The following GRIN2B variants were observed in gnomAD, a reference collection of about 807,000 sequenced individuals.
GRIN2B encodes the protein glutamate ionotropic receptor NMDA type subunit 2B, also known as glutamate receptor ionotropic, NMDA 2B.
Under a neutral mutation model 114.5 loss-of-function variants are expected in GRIN2B, and 5 were observed. The observed-to-expected ratio is 0.04, with a 90% CI of 0.02 to 0.09. GRIN2B has a LOEUF of 0.09. GRIN2B is among the 10% of genes least tolerant of loss of function. The probability of loss-of-function intolerance (pLI) is 1.00; values close to 1 mark genes in which losing one functional copy is unlikely to be tolerated. For missense variants in GRIN2B, 1,108 were observed against 1,943.5 expected (o/e 0.57, Z 8.08); for synonymous variants, 787 against 745.1 (o/e 1.06, Z -0.92).
At chr12:13,778,341 G>T (rs1237385298) in intron 3 of GRIN2B, among the ~76,000 whole-genome samples, 1 of 152,178 alleles carries the variant, frequency 6.6e-6, no homozygotes, top group African/African-American at 2.4e-5. Flanking sequence ...GTATTCTGGA[G>T]AACACAACTT....
intron 5 of GRIN2B, among the ~76,000 whole-genome samples, chr12:13,623,480 T>A (rs997923532): frequency 1.3e-5 from 2 of 152,228 alleles, no homozygotes; most frequent in African/African-American, 2.4e-5. Flanking sequence ...ACTAAATGCT[T>A]GCCAATCTGA....
chr12:13,980,627 C>A (rs1863114671), intron 1 of GRIN2B, among the ~76,000 whole-genome samples: 1 of 150,448 alleles, frequency 6.6e-6, no homozygotes, highest in South Asian at 2.1e-4. Context: ...AGGGAGCGAG[C>A]GAAGGAGGGA....
intron 3 of GRIN2B, among the ~76,000 whole-genome samples, chr12:13,836,335 T>TG (rs1274815642): frequency 6.6e-6 from 1 of 152,160 alleles, no homozygotes; most frequent in African/African-American, 2.4e-5. Flanking sequence ...TAACCATGCA[T>TG]GGAACACTGG....
chr12:13,870,389 T>C (rs1401292142), intron 2 of GRIN2B, among the ~76,000 whole-genome samples: 1 of 152,172 alleles, frequency 6.6e-6, no homozygotes, highest in East Asian at 1.9e-4. Context: ...CTTTGCCTCC[T>C]TGAAGCTTGG....
At position 13,563,853 on chromosome 12, in the gene GRIN2B, G is replaced by T. The variant is rs937786796; in HGVS notation, c.3385C>A (p.Leu1129Ile). ...HKRYFRDKEG[L>I]RDFYLDQFRT... is the part of the protein sequence containing the mutation. ...AACTGGTCCAGGTAGAAGTCCCGTA[G>T]CCCTTCCTTGTCCCTGAAGTAGCGC... The change falls in exon 14 of 14, where the codon CTA becomes ATA. Residue 1129 changes from leucine (L) to isoleucine (I), a missense_variant. Transcript: ENST00000609686. The T allele has an allele frequency of 6.2e-7, 1 of 1,614,000 alleles. No homozygotes were observed. Among genetic ancestry groups the T allele is most frequent in the Non-Finnish European group, 8.5e-7 (1 of 1,180,038 alleles).
At chr12:13,829,367 T>C (rs1364064450) in intron 3 of GRIN2B, among the ~76,000 whole-genome samples, 1 of 152,192 alleles carries the variant, frequency 6.6e-6, no homozygotes, top group African/African-American at 2.4e-5. Flanking sequence ...CTGCATATAC[T>C]AGGTACTCAA....
chr12:13,910,903 C>A (rs955264588), intron 2 of GRIN2B, among the ~76,000 whole-genome samples: 1 of 152,058 alleles, frequency 6.6e-6, no homozygotes, highest in Admixed American at 6.5e-5. Flanking sequence ...TGCTTGTTTG[C>A]ATCTCCATAC....
intron 2 of GRIN2B, among the ~76,000 whole-genome samples, chr12:13,873,512 T>G (rs768709017): frequency 6.6e-6 from 1 of 152,214 alleles, no homozygotes; most frequent in East Asian, 1.9e-4. Context: ...AATCTTTGAT[T>G]TGAATTGACT....
intron 2 of GRIN2B, among the ~76,000 whole-genome samples, chr12:13,976,274 A>G (rs1422175234): frequency 6.6e-6 from 1 of 152,276 alleles, no homozygotes; most frequent in Non-Finnish European, 1.5e-5. Context: ...ACAATTCATT[A>G]GACCAGTAAC....
chr12:13,967,772 T>G (rs1867812548), intron 2 of GRIN2B, among the ~76,000 whole-genome samples: 1 of 151,984 alleles, frequency 6.6e-6, no homozygotes, highest in African/African-American at 2.4e-5. Flanking sequence ...TTCCAGTCTG[T>G]GGGCGACAGG....
intron 2 of GRIN2B, among the ~76,000 whole-genome samples, chr12:13,879,776 T>C (rs1335225981): frequency 1.3e-5 from 2 of 152,222 alleles, no homozygotes; most frequent in African/African-American, 4.8e-5. Context: ...TGAGGCCAAA[T>C]GGAGCTCCTC....
At chr12:13,928,698 G>C (rs1408737755) in intron 2 of GRIN2B, among the ~76,000 whole-genome samples, 2 of 152,236 alleles carry the variant, frequency 1.3e-5, no homozygotes, top group African/African-American at 4.8e-5. Context: ...CAATGACAAA[G>C]AGAAGGCAGA....
intron 3 of GRIN2B, among the ~76,000 whole-genome samples, chr12:13,843,559 C>T (rs755544974): frequency 1.6e-4 from 25 of 152,104 alleles, no homozygotes; most frequent in Admixed American, 1.3e-4. Flanking sequence ...CTTTTAGGAG[C>T]GTAGGTAAGC....
chr12:13,744,833 C>T (rs1193051046), intron 4 of GRIN2B, among the ~76,000 whole-genome samples: 2 of 152,112 alleles, frequency 1.3e-5, no homozygotes. Flanking sequence ...GAAGAGGACG[C>T]GCCACCAAAA....
chr12:13,942,730 G>C (rs1867283049), intron 2 of GRIN2B, among the ~76,000 whole-genome samples: 1 of 152,234 alleles, frequency 6.6e-6, no homozygotes, highest in African/African-American at 2.4e-5. Context: ...ATTCAAATTA[G>C]TGGGAGTTTA....
intron 5 of GRIN2B, among the ~76,000 whole-genome samples, chr12:13,636,001 T>C (rs1487962315): frequency 6.6e-6 from 1 of 152,130 alleles, no homozygotes; most frequent in African/African-American, 2.4e-5. Flanking sequence ...AACAAATATA[T>C]AGCAAAATAT....
intron 5 of GRIN2B, among the ~76,000 whole-genome samples, chr12:13,646,069 G>T (rs1372900543): frequency 2.6e-5 from 4 of 152,082 alleles, no homozygotes; most frequent in Non-Finnish European, 5.9e-5. Flanking sequence ...GTGTTCACTG[G>T]TAAGTAGTCT....
intron 2 of GRIN2B, among the ~76,000 whole-genome samples, chr12:13,966,032 C>T (rs977251332): frequency 6.6e-6 from 1 of 152,116 alleles, no homozygotes; most frequent in African/African-American, 2.4e-5. Context: ...GAGAAAGAGC[C>T]CCGGACATGA....
At chr12:13,567,652 C>T (rs1401461361) in intron 12 of GRIN2B, among the ~76,000 whole-genome samples, 1 of 151,970 alleles carries the variant, frequency 6.6e-6, no homozygotes, top group South Asian at 2.1e-4. Context: ...AGTGGGTTTT[C>T]GTGAAGTAAG....
Sources: allele counts gnomAD v4.1 joint callset (sites outside exome capture counted in the v4.1 genomes callset), GRCh38; gene constraint gnomAD v4.1.1; transcripts MANE v1.5; gene names NCBI Gene and HGNC (gene_info 2026-07-23, HGNC 2026-07-21).